The following DIAPH2 variants were observed in gnomAD, a reference collection of about 807,000 sequenced individuals.
DIAPH2 encodes protein diaphanous homolog 2.
Under a neutral mutation model 92.7 loss-of-function variants are expected in DIAPH2, and 35 were observed. The ratio of observed to expected loss-of-function variants is 0.38; its 90% CI spans 0.29 to 0.50. The LOEUF (loss-of-function observed/expected upper bound fraction) is 0.50, where lower values mean the gene tolerates loss of function less well. Ranked by LOEUF, DIAPH2 falls within the 20% of genes least tolerant of loss-of-function variation. The probability of loss-of-function intolerance (pLI) is 0.94; values close to 1 mark genes in which losing one functional copy is unlikely to be tolerated. For synonymous variants in DIAPH2, 301 were observed against 280.4 expected, an observed-to-expected ratio of 1.07 and a Z score of -0.73; for missense variants, 701 against 819.5, an observed-to-expected ratio of 0.86 and a Z score of 1.77.
intron 17 of DIAPH2, among the ~76,000 whole-genome samples, chrX:97,042,341 G>A (rs928340277): frequency 6.3e-5 from 7 of 111,456 alleles, no homozygotes; most frequent in African/African-American, 1.9e-4. Flanking sequence ...CTCTTTCTGT[G>A]TAGATTGTGA....
At chrX:97,084,324 C>T (rs940334428) in intron 19 of DIAPH2, among the ~76,000 whole-genome samples, 1 of 111,371 alleles carries the variant, frequency 9.0e-6, no homozygotes, top group African/African-American at 3.3e-5. Context: ...ATGAAAAAGT[C>T]CCCTAGCACA....
chrX:97,231,241 C>CT (rs5903071), intron 22 of DIAPH2, among the ~76,000 whole-genome samples: 38,018 of 83,138 alleles, frequency 0.46, 8,159 homozygotes, highest in Non-Finnish European at 0.59. Flanking sequence ...TTCTTTCAGG[C>CT]TTTTTTTTTT....
At chrX:97,302,622 C>T (rs2068716694) in intron 23 of DIAPH2, among the ~76,000 whole-genome samples, 1 of 111,821 alleles carries the variant, frequency 8.9e-6, no homozygotes, top group Admixed American at 9.5e-5. Context: ...AGAAAAAACT[C>T]TCTTATATAT....
In DIAPH2 at chrX:97,027,482, T is replaced by G. The variant is rs181468452; in HGVS notation, c.2051-45459T>G. On this transcript the variant is annotated intron_variant, in intron 17 of 26. Coordinates refer to ENST00000324765, the MANE Select transcript of DIAPH2 (RefSeq NM_006729.5). Reference sequence around the variant, plus strand: ...AAGTAATAAAATATAACCTCAAATGTCTAATTCTAAGTGATATGTGCCTTA... The same window carrying G: ...AAGTAATAAAATATAACCTCAAATGGCTAATTCTAAGTGATATGTGCCTTA... Among the ~76,000 whole-genome samples the G allele has an allele frequency of 2.2e-4, 25 of 111,916 alleles. No individual in the cohort carries two copies. The East Asian group carries it at 7.0e-3, about 31-fold the overall frequency.
At chrX:96,968,136 T>C (rs770109292) in intron 17 of DIAPH2, among the ~76,000 whole-genome samples, 1 of 111,084 alleles carries the variant, frequency 9.0e-6, no homozygotes, top group South Asian at 3.8e-4. Flanking sequence ...GGTTTCAATT[T>C]TTCATTTCCC....
In DIAPH2 at chrX:97,383,934, G is replaced by T. The variant is rs2069574669; in HGVS notation, c.3035G>T (p.Arg1012Ile). Residue 1012 changes from arginine (R) to isoleucine (I), a missense_variant, in exon 25 of 27, where the codon AGA (arginine) becomes ATA (isoleucine). Arg to Ile is a moderately conservative substitution (Grantham distance 97, BLOSUM62 -3). Transcript: ENST00000324765. Reference sequence around the variant, plus strand: ...GAAGCAGTGAGAGAAAACAATAAGAGAAGAGAAATGGAAGAGAAGACCAGG... The same window carrying T: ...GAAGCAGTGAGAGAAAACAATAAGATAAGAGAAATGGAAGAGAAGACCAGG... ...FLEAVRENNKRREMEEKTRRA... is the reference protein window; with the variant it reads ...FLEAVRENNKIREMEEKTRRA... 2 of 1,201,390 alleles carry T rather than the reference G, an allele frequency of 1.7e-6. No individual in the cohort carries two copies. The highest frequency in any genetic ancestry group is 6.0e-5 in the East Asian group (2 of 33,577).
chrX:97,234,370 C>T (rs1471608482), intron 22 of DIAPH2, among the ~76,000 whole-genome samples: 2 of 108,752 alleles, frequency 1.8e-5, no homozygotes, highest in African/African-American at 6.7e-5. Flanking sequence ...ATCCAGAGGC[C>T]TGGTGGTGTA....
At chrX:97,061,931 A>G (rs1435585733) in intron 17 of DIAPH2, among the ~76,000 whole-genome samples, 1 of 110,040 alleles carries the variant, frequency 9.1e-6, no homozygotes, top group Non-Finnish European at 1.9e-5. Flanking sequence ...ACCTGTACCT[A>G]TAAAAGGGGA....
At chrX:96,975,813 G>GT (rs2065956531) in intron 17 of DIAPH2, among the ~76,000 whole-genome samples, 1 of 110,915 alleles carries the variant, frequency 9.0e-6, no homozygotes, top group Non-Finnish European at 1.9e-5. Context: ...TGAAGTCTTT[G>GT]TTTTAAGGGC....
intron 17 of DIAPH2, among the ~76,000 whole-genome samples, chrX:97,037,923 T>C (rs948636041): frequency 4.5e-5 from 5 of 111,396 alleles, no homozygotes; most frequent in Non-Finnish European, 7.5e-5. Context: ...AATTACATAG[T>C]AGTAAAGCCT....
chrX:97,299,394 T>C (rs1473031309), intron 23 of DIAPH2, among the ~76,000 whole-genome samples: 1 of 111,673 alleles, frequency 9.0e-6, no homozygotes. Context: ...TGGTAGAAAA[T>C]GCTAGATGGA....
intron 22 of DIAPH2, among the ~76,000 whole-genome samples, chrX:97,145,174 AAC>A (rs1198522736): frequency 9.0e-6 from 1 of 111,695 alleles, no homozygotes; most frequent in African/African-American, 3.3e-5. Context: ...TGAGAATAAT[AAC>A]AGTGAGATTA....
intron 3 of DIAPH2, 102 bp from the exon 4 acceptor site, chrX:96,758,052 A>G (rs2064242945): frequency 1.4e-5 from 10 of 711,581 alleles, no homozygotes; most frequent in Admixed American, 4.6e-5. Context: ...CACCACATGA[A>G]TTAGTATTTT....
At chrX:97,132,698 T>C (rs1289537084) in intron 21 of DIAPH2, among the ~76,000 whole-genome samples, 3 of 111,625 alleles carry the variant, frequency 2.7e-5, no homozygotes, top group African/African-American at 9.8e-5. Flanking sequence ...ACAAATATAA[T>C]AGGGAAAAAG....
intron 26 of DIAPH2, among the ~76,000 whole-genome samples, chrX:97,449,378 C>G (rs757197226): frequency 8.7e-4 from 97 of 112,113 alleles, no homozygotes; most frequent in African/African-American, 3.1e-3. Flanking sequence ...GGCCACACCA[C>G]TCCATAAACA....
rs745350367 is a variant in DIAPH2 at position 97,318,482 on chromosome X, C to CT, written c.2845-29607dup. On this transcript the variant is annotated intron_variant, in intron 23 of 26. Coordinates refer to ENST00000324765, the MANE Select transcript of DIAPH2 (RefSeq NM_006729.5). ...TTACAGTTTTCTTTTTTTTTCTTTA[C>CT]TTTTTTTTTTTTTTTTTTTTTTTTT... 4.8e-3 allele frequency among the ~76,000 whole-genome samples: 220 copies of CT among 46,292 alleles called. 28 individuals carry two copies. The highest frequency in any genetic ancestry group is 0.012 in the Middle Eastern group (1 of 86). The allele number at this position is 46,292 out of a possible 115,157, so 40.2% of individuals were successfully genotyped here.
In DIAPH2 at chrX:97,471,429, G is replaced by T. The variant is rs1050802181; in HGVS notation, c.3241+41684G>T. Among the ~76,000 whole-genome samples the T allele has an allele frequency of 4.5e-5, 5 of 111,405 alleles. No homozygotes were observed. In the East Asian group the frequency reaches 1.4e-3, roughly 31 times the overall value. ...GAATGGGCCGGGCATGGTGGCTCAC[G>T]CCTGTAATCCCAACACTTTGAGAGG... On this transcript the variant is annotated intron_variant, in intron 26 of 26. Transcript: ENST00000324765.
chrX:97,467,890 A>C (rs1327441150), intron 26 of DIAPH2, among the ~76,000 whole-genome samples: 2 of 111,562 alleles, frequency 1.8e-5, no homozygotes, highest in East Asian at 5.6e-4. Flanking sequence ...ATTGGCCTGC[A>C]ATAAATGTTT....
intron 26 of DIAPH2, among the ~76,000 whole-genome samples, chrX:97,544,868 G>T (rs2071167993): frequency 9.0e-6 from 1 of 111,473 alleles, no homozygotes; most frequent in African/African-American, 3.3e-5. Context: ...TTTTTTTAAT[G>T]CATTGAAAAA....
Sources: allele counts gnomAD v4.1 joint callset (sites outside exome capture counted in the v4.1 genomes callset), GRCh38; gene constraint gnomAD v4.1.1; transcripts MANE v1.5; gene names NCBI Gene and HGNC (gene_info 2026-07-23, HGNC 2026-07-21).